Variants in PHAX observed in about 807,000 individuals in gnomAD.
PHAX encodes the protein phosphorylated adapter RNA export protein.
A neutral mutation model predicts 41.6 loss-of-function variants in PHAX; 31 were observed. The ratio of observed to expected loss-of-function variants is 0.75; its 90% CI spans 0.56 to 1.01. PHAX has a LOEUF of 1.01. PHAX is among the 50% of genes least tolerant of loss of function. The probability of loss-of-function intolerance (pLI) is 0.00; values close to 1 mark genes in which losing one functional copy is unlikely to be tolerated. For missense variants in PHAX, 453 were observed against 472.9 expected (o/e 0.96, Z 0.39); for synonymous variants, 175 against 164.9 (o/e 1.06, Z -0.47).
At chr5:126,615,778 GTGT>G (rs1267471201) in intron 3 of PHAX, among the ~76,000 whole-genome samples, 3 of 152,080 alleles carry the variant, frequency 2.0e-5, no homozygotes, top group Admixed American at 1.3e-4. Context: ...GTTGACAAAA[GTGT>G]TGTCTATCAG....
chr5:126,623,151 T>G (rs1227155024), intron 4 of PHAX, among the ~76,000 whole-genome samples: 2 of 150,296 alleles, frequency 1.3e-5, no homozygotes, highest in Non-Finnish European at 3.0e-5. Flanking sequence ...AGAAAAAAAA[T>G]AAGAATGTAG....
chr5:126,621,260 C>T (rs921452156), intron 4 of PHAX, among the ~76,000 whole-genome samples: 6 of 152,064 alleles, frequency 3.9e-5, no homozygotes, highest in African/African-American at 1.4e-4. Flanking sequence ...ACTATCGTAG[C>T]TCACTGTAGC....
At chr5:126,614,791 C>T (rs184836641) in intron 3 of PHAX, among the ~76,000 whole-genome samples, 1 of 152,206 alleles carries the variant, frequency 6.6e-6, no homozygotes, top group East Asian at 1.9e-4. Flanking sequence ...GAGTCTCGCT[C>T]TGTCACCCAG....
intron 4 of PHAX, among the ~76,000 whole-genome samples, chr5:126,619,576 TA>T (rs11301205): frequency 0.28 from 38,868 of 140,936 alleles, 5,679 homozygotes; most frequent in African/African-American, 0.42. Context: ...ACTCTGTCTT[TA>T]AAAAAAAAAA....
chr5:126,606,195 A>ATTGTTTGT (rs376102342), intron 2 of PHAX, among the ~76,000 whole-genome samples: 6 of 149,610 alleles, frequency 4.0e-5, no homozygotes, highest in South Asian at 2.1e-4. Flanking sequence ...TGTTTTTTTG[A>ATTGTTTGT]TTGTTTGTTT....
chr5:126,606,273 G>C (rs957572282), intron 2 of PHAX, among the ~76,000 whole-genome samples: 2 of 152,118 alleles, frequency 1.3e-5, no homozygotes, highest in African/African-American at 4.8e-5. Flanking sequence ...TCAGCTCACT[G>C]CAACCTCCGC....
chr5:126,609,725 C>A (rs1043217967), intron 3 of PHAX, among the ~76,000 whole-genome samples: 271 of 148,032 alleles, frequency 1.8e-3, no homozygotes, highest in African/African-American at 5.1e-3. Context: ...AAAAAAAAAA[C>A]AAAACACCCT....
At chr5:126,603,087 A>G (rs557574313) in intron 1 of PHAX, among the ~76,000 whole-genome samples, 1 of 151,908 alleles carries the variant, frequency 6.6e-6, no homozygotes, top group East Asian at 1.9e-4. Flanking sequence ...AAAAAAAAAA[A>G]AAATAGCTGG....
chr5:126,608,004 A>G (rs1370920769), intron 2 of PHAX, among the ~76,000 whole-genome samples: 4 of 152,214 alleles, frequency 2.6e-5, no homozygotes, highest in Non-Finnish European at 5.9e-5. Flanking sequence ...CTTAGCTTTT[A>G]GGCGTAATAA....
chr5:126,612,451 C>A (rs1280233528), intron 3 of PHAX, among the ~76,000 whole-genome samples: 1 of 152,024 alleles, frequency 6.6e-6, no homozygotes, highest in East Asian at 1.9e-4. Context: ...TGTAATCCCA[C>A]CACTTTGGGA....
At chr5:126,621,102 C>T (rs1033519685) in intron 4 of PHAX, among the ~76,000 whole-genome samples, 2 of 152,118 alleles carry the variant, frequency 1.3e-5, no homozygotes, top group Non-Finnish European at 2.9e-5. Flanking sequence ...GTTGCTCAGA[C>T]TGGTCTTGAA....
chr5:126,625,248 A>G lies in PHAX; in HGVS notation c.*404A>G, dbSNP rs1752329981. On this transcript the variant is annotated 3_prime_UTR_variant, in exon 5 of 5. Transcript: ENST00000297540. ...CATATAAATTATTAAGCTGTTAGAAATGCATTCAAATTTGTTTTTTCTGTG... is the reference window on the plus strand; with the variant it reads ...CATATAAATTATTAAGCTGTTAGAAGTGCATTCAAATTTGTTTTTTCTGTG... 6.3e-6 allele frequency: 1 copy of G among 158,048 alleles called. No homozygotes were observed. The highest frequency in any genetic ancestry group is 2.4e-5 in the African/African-American group (1 of 41,556). The allele number at this position is 158,048 out of a possible 1,614,324, so 9.8% of individuals were successfully genotyped here.
chr5:126,602,241 C>T (rs971977775), intron 1 of PHAX, among the ~76,000 whole-genome samples: 1 of 152,282 alleles, frequency 6.6e-6, no homozygotes, highest in African/African-American at 2.4e-5. Context: ...GCCACCGCGC[C>T]CGGCCCAGCT....
chr5:126,624,942 G>A lies in PHAX; in HGVS notation c.*98G>A. ...CAACGTTTTGCACTGATAAACATGA[G>A]AATCTGGAGGAAAGACAATTGTTTT... On this transcript the variant is annotated 3_prime_UTR_variant, in exon 5 of 5. Transcript: ENST00000297540. 9.8e-7 allele frequency: 1 copy of A among 1,023,180 alleles called. No homozygotes were observed. The highest frequency in any genetic ancestry group is 1.4e-6 in the Non-Finnish European group (1 of 702,612). The allele number at this position is 1,023,180 out of a possible 1,614,324, so 63.4% of individuals were successfully genotyped here.
At chr5:126,613,829 A>G (rs1021986975) in intron 3 of PHAX, among the ~76,000 whole-genome samples, 5 of 149,630 alleles carry the variant, frequency 3.3e-5, no homozygotes, top group African/African-American at 1.2e-4. Context: ...AGGCTGGAGT[A>G]CAGTGGCACA....
intron 3 of PHAX, among the ~76,000 whole-genome samples, chr5:126,615,731 T>C (rs1752174864): frequency 6.6e-6 from 1 of 152,184 alleles, no homozygotes; most frequent in Admixed American, 6.6e-5. Flanking sequence ...ATAAGGTGTC[T>C]TTAAACCAAG....
chr5:126,608,626 A>C (rs751299209), intron 3 of PHAX, 142 bp downstream of exon 3: 1 of 663,718 alleles, frequency 1.5e-6, no homozygotes, highest in Non-Finnish European at 2.5e-6. Context: ...ACTATTATCA[A>C]CAATGAAGAC....
At chr5:126,604,362 T>C (rs1751957560) in intron 2 of PHAX, among the ~76,000 whole-genome samples, 179 bp downstream of exon 2, 1 of 142,340 alleles carries the variant, frequency 7.0e-6, no homozygotes, top group African/African-American at 2.7e-5. Context: ...GCCTCCTCGC[T>C]CAAGGGATTC....
intron 1 of PHAX, among the ~76,000 whole-genome samples, chr5:126,602,044 C>G (rs918951092): frequency 6.6e-6 from 1 of 152,260 alleles, no homozygotes; most frequent in Admixed American, 6.5e-5. Flanking sequence ...CTCCCAACCT[C>G]AGGTGATCCG....
Sources: allele counts gnomAD v4.1 joint callset (sites outside exome capture counted in the v4.1 genomes callset), GRCh38; gene constraint gnomAD v4.1.1; transcripts MANE v1.5; gene names NCBI Gene and HGNC (gene_info 2026-07-23, HGNC 2026-07-21).